UNC79: variants seen among roughly 807,000 people sequenced by gnomAD.
UNC79 encodes unc-79 subunit of NALCN channel complex.
In UNC79, 37 loss-of-function variants were observed where a neutral mutation model predicts 283.1. The ratio of observed to expected loss-of-function variants is 0.13; its 90% CI spans 0.10 to 0.17. UNC79 has a LOEUF of 0.17. Ranked by LOEUF, UNC79 falls within the 10% of genes least tolerant of loss-of-function variation. UNC79 has a pLI of 1.00. For synonymous variants in UNC79, 1,107 were observed against 1,200.2 expected, an observed-to-expected ratio of 0.92 and a Z score of 1.61; for missense variants, 2,272 against 3,211.1, an observed-to-expected ratio of 0.71 and a Z score of 7.07.
chr14:93,420,256 A>G (rs2140068616), intron 1 of UNC79, among the ~76,000 whole-genome samples: 1 of 151,760 alleles, frequency 6.6e-6, no homozygotes, highest in South Asian at 2.1e-4. Flanking sequence ...TCGACTGAAA[A>G]CAAAGGGATA....
At chr14:93,580,207 T>G (rs2063714800) in exon 19 of UNC79, 1 of 1,614,002 alleles carries the variant, frequency 6.2e-7, no homozygotes, top group Non-Finnish European at 8.5e-7. Context: ...TCAAAGGACA[T>G]TATTTCTATT....
At position 93,531,575 on chromosome 14, in the gene UNC79, G is replaced by C. The variant is rs12881558; in HGVS notation, c.1094-975G>C. Among the ~76,000 whole-genome samples the C allele has an allele frequency of 0.52, 79,294 of 152,086 alleles. 21,149 individuals carry two copies. The highest frequency in any genetic ancestry group is 0.63 in the Admixed American group (9,559 of 15,288). On this transcript the variant is annotated intron_variant, in intron 10 of 48. Coordinates refer to ENST00000555664, the Ensembl canonical transcript of UNC79. This position sits in a 1 kb window ranked among gnomAD's most constrained non-coding sequence, Gnocchi z 4.2. ...CTTGCTCCAACTGGTCTACCCGTGGGTTTGAAAATTGCTTTCTCTTAAATA... is the reference window on the plus strand; with the variant it reads ...CTTGCTCCAACTGGTCTACCCGTGGCTTTGAAAATTGCTTTCTCTTAAATA...
intron 23 of UNC79, 62 bp downstream of exon 23, chr14:93,593,899 G>T: frequency 1.4e-6 from 2 of 1,465,194 alleles, no homozygotes; most frequent in South Asian, 1.5e-5. Context: ...TCTGGTCACG[G>T]CATCTTTTTT....
At chr14:93,418,581 A>G (rs1374674147) in intron 1 of UNC79, among the ~76,000 whole-genome samples, 3 of 151,722 alleles carry the variant, frequency 2.0e-5, no homozygotes, top group Non-Finnish European at 4.4e-5. Flanking sequence ...AAGTCTGCAG[A>G]GGTTACTGCT....
intron 1 of UNC79, among the ~76,000 whole-genome samples, chr14:93,437,956 A>C (rs2056150007): frequency 6.6e-6 from 1 of 152,196 alleles, no homozygotes; most frequent in Non-Finnish European, 1.5e-5. Flanking sequence ...TTAAGACTTG[A>C]ACATATCTTT....
rs746063410 is a variant in UNC79 at position 93,690,666 on chromosome 14, CTCTA to C, written c.7272+368_7272+371del. ...GAGACAAAACAAAGGAAAATTCATT[CTCTA>C]TCTAATTCTTCATGTACCATCTTTT... On this transcript the variant is annotated intron_variant, in intron 45 of 48. Transcript: ENST00000555664. This position sits in a 1 kb window ranked among gnomAD's most constrained non-coding sequence, Gnocchi z 4.3. 7.7e-4 allele frequency: 166 copies of C among 216,468 alleles called. 1 individual carries two copies. Among genetic ancestry groups the C allele is most frequent in the Non-Finnish European group, 3.7e-4 (41 of 109,846 alleles). 13.4% of individuals were successfully genotyped at this position (216,468 alleles called of 1,614,324 possible).
At chr14:93,516,258 A>G (rs1367921816) in intron 7 of UNC79, among the ~76,000 whole-genome samples, 2 of 152,212 alleles carry the variant, frequency 1.3e-5, no homozygotes, top group East Asian at 3.9e-4. Flanking sequence ...AGAATCATGT[A>G]GTATAAATCC....
Position 93,467,652 on chromosome 14 carries a change from T to TG in UNC79, c.23-19_23-18insG. The TG allele has an allele frequency of 1.0e-5, 11 of 1,098,770 alleles. No homozygotes were observed. Among genetic ancestry groups the TG allele is most frequent in the Non-Finnish European group, 1.2e-5 (11 of 908,236 alleles). The allele number at this position is 1,098,770 out of a possible 1,614,324, so 68.1% of individuals were successfully genotyped here. ...CCTTTTTTTTTTTTTTTTTTTTTTTTTTTTTTGCTTTTATCTAGTTGCTTC... is the reference window on the plus strand; with the variant it reads ...CCTTTTTTTTTTTTTTTTTTTTTTTTGTTTTTTGCTTTTATCTAGTTGCTTC... On this transcript the variant is annotated intron_variant, in intron 1 of 48. Coordinates refer to ENST00000555664, the Ensembl canonical transcript of UNC79.
At chr14:93,479,289 G>C (rs76248974) in intron 4 of UNC79, among the ~76,000 whole-genome samples, 2 of 130,924 alleles carry the variant, frequency 1.5e-5, no homozygotes, top group African/African-American at 2.9e-5. Flanking sequence ...TCCTCCCTTC[G>C]TCCCTTCTTT....
chr14:93,399,722 A>G (rs576822483), intron 1 of UNC79, among the ~76,000 whole-genome samples: 9 of 152,272 alleles, frequency 5.9e-5, no homozygotes, highest in African/African-American at 2.2e-4. Flanking sequence ...TTTCCTTGTC[A>G]TGGAACCAAA....
chr14:93,338,798 A>C (rs1030552096), intron 1 of UNC79, among the ~76,000 whole-genome samples: 3 of 152,204 alleles, frequency 2.0e-5, no homozygotes, highest in African/African-American at 7.2e-5. Flanking sequence ...AGTCCTAGCT[A>C]TTCAGGTGGC....
At chr14:93,543,106 A>G (rs1438608697) in intron 14 of UNC79, among the ~76,000 whole-genome samples, 2 of 151,902 alleles carry the variant, frequency 1.3e-5, no homozygotes, top group African/African-American at 2.4e-5. Flanking sequence ...AAGCCTTTCT[A>G]TGAGGTTACT....
rs560897314 is a variant in UNC79 at position 93,487,870 on chromosome 14, A to G, written c.712+115A>G. The G allele has an allele frequency of 5.3e-6, 5 of 945,198 alleles. No individual in the cohort carries two copies. The Admixed American group carries it at 8.1e-5, about 15-fold the overall frequency. 58.6% of individuals were successfully genotyped at this position (945,198 alleles called of 1,614,324 possible). ...ACGTCATCATCATAGAGATGTGTAG[A>G]AAACAGACTTTTGAGTTGGAATCAA... On this transcript the variant is annotated intron_variant, in intron 5 of 48. Transcript: ENST00000555664.
chr14:93,581,014 T>C (rs2063764882), intron 19 of UNC79, among the ~76,000 whole-genome samples: 1 of 151,736 alleles, frequency 6.6e-6, no homozygotes, highest in African/African-American at 2.4e-5. Context: ...TGGCCAAATG[T>C]ATGCATTTTT....
intron 1 of UNC79, chr14:93,397,208 T>C (rs1015438179): frequency 3.9e-5 from 6 of 152,220 alleles, no homozygotes; most frequent in African/African-American, 1.2e-4. Flanking sequence ...TAATAAGTTC[T>C]GATAACCCAC....
chr14:93,691,169 T>G (rs1180961448), intron 45 of UNC79: 1 of 158,056 alleles, frequency 6.3e-6, no homozygotes, highest in Non-Finnish European at 1.4e-5. Flanking sequence ...TATTCAGATT[T>G]TCATCTGTGA....
At chr14:93,525,044 G>A (rs964078778) in intron 8 of UNC79, among the ~76,000 whole-genome samples, 4 of 152,276 alleles carry the variant, frequency 2.6e-5, no homozygotes, top group Non-Finnish European at 2.9e-5. Context: ...GAGGAGTGCC[G>A]GTAATAACAC....
At chr14:93,613,835 G>T (rs2066488711) in intron 27 of UNC79, among the ~76,000 whole-genome samples, 1 of 151,978 alleles carries the variant, frequency 6.6e-6, no homozygotes, top group Non-Finnish European at 1.5e-5. Flanking sequence ...AATTTCAATT[G>T]TATCTTAATG....
chr14:93,432,202 T>C (rs558244641), intron 1 of UNC79, among the ~76,000 whole-genome samples: 1 of 152,344 alleles, frequency 6.6e-6, no homozygotes, highest in South Asian at 2.1e-4. Context: ...ATGCAGTATG[T>C]CATTTATTCA....
Sources: gnomAD v4.1 joint callset for allele counts (sites outside exome capture counted in the v4.1 genomes callset) on GRCh38, gnomAD v4.1.1 for gene constraint, Gnocchi (gnomAD v3.1) non-coding constraint, MANE v1.5 for transcripts, NCBI Gene and HGNC (gene_info 2026-07-23, HGNC 2026-07-21) for gene names.